Variants in GNAO1 observed in about 807,000 individuals in gnomAD.
GNAO1 encodes guanine nucleotide-binding protein G(o) subunit alpha.
For synonymous variants in GNAO1, 164 were observed against 180.7 expected, an observed-to-expected ratio of 0.91 and a Z score of 0.74; for missense variants, 166 against 478.7, an observed-to-expected ratio of 0.35 and a Z score of 6.10.
chr16:56,232,741 C>T (rs570508992), intron 2 of GNAO1, among the ~76,000 whole-genome samples: 6 of 152,160 alleles, frequency 3.9e-5, no homozygotes, highest in South Asian at 2.1e-4. Flanking sequence ...GTATAAAATA[C>T]GTTGGAAAAA....
At chr16:56,285,904 T>C (rs1166849792) in intron 3 of GNAO1, among the ~76,000 whole-genome samples, 1 of 152,176 alleles carries the variant, frequency 6.6e-6, no homozygotes, top group South Asian at 2.1e-4. Context: ...AGCCCCAGAA[T>C]TGAGCCCTTT....
intron 3 of GNAO1, among the ~76,000 whole-genome samples, chr16:56,277,718 G>A (rs1351260313): frequency 6.6e-6 from 1 of 151,012 alleles, no homozygotes; most frequent in African/African-American, 2.4e-5. Flanking sequence ...GACTAAGTGG[G>A]GAGCGTGATA....
chr16:56,272,527 CTTCT>C, intron 2 of GNAO1, among the ~76,000 whole-genome samples: 1 of 152,292 alleles, frequency 6.6e-6, no homozygotes, highest in East Asian at 1.9e-4. Flanking sequence ...GCAAATGAAG[CTTCT>C]TTATCTTGGG....
chr16:56,285,417 C>T (rs2037156804), intron 3 of GNAO1, among the ~76,000 whole-genome samples: 1 of 152,188 alleles, frequency 6.6e-6, no homozygotes, highest in African/African-American at 2.4e-5. Flanking sequence ...CACCAAACCC[C>T]CACCTGGCAG....
At chr16:56,237,975 T>G (rs1290582383) in intron 2 of GNAO1, among the ~76,000 whole-genome samples, 1 of 152,228 alleles carries the variant, frequency 6.6e-6, no homozygotes, top group African/African-American at 2.4e-5. Flanking sequence ...TTCTCCATCT[T>G]TCTCAAAACT....
chr16:56,242,215 A>ATG, intron 2 of GNAO1, among the ~76,000 whole-genome samples: 1 of 150,972 alleles, frequency 6.6e-6, no homozygotes, highest in African/African-American at 2.5e-5. Context: ...AAGGAAGATG[A>ATG]AAAAAATGTT....
chr16:56,348,835 C>T (rs2037896899), intron 6 of GNAO1, among the ~76,000 whole-genome samples: 1 of 152,162 alleles, frequency 6.6e-6, no homozygotes, highest in South Asian at 2.1e-4. Flanking sequence ...CCTTTTGGGG[C>T]TCCCTCCAAG....
At chr16:56,265,381 C>A (rs1394717034) in intron 2 of GNAO1, among the ~76,000 whole-genome samples, 3 of 152,220 alleles carry the variant, frequency 2.0e-5, no homozygotes, top group African/African-American at 7.2e-5. Context: ...GCAGGCCTGG[C>A]CATGCAGGTC....
intron 2 of GNAO1, among the ~76,000 whole-genome samples, chr16:56,266,946 C>A (rs975839348): frequency 2.0e-5 from 3 of 152,152 alleles, no homozygotes; most frequent in Non-Finnish European, 4.4e-5. Context: ...AAAGCCCTCC[C>A]AGTCCCCAGC....
At chr16:56,336,640 A>C in intron 5 of GNAO1, 91 bp from the exon 6 acceptor site, 2 of 1,228,002 alleles carry the variant, frequency 1.6e-6, no homozygotes, top group Non-Finnish European at 2.3e-6. Flanking sequence ...CATGGCCCCC[A>C]TCCTCTGCCT....
chr16:56,344,994 A>T (rs1215540862), intron 6 of GNAO1: 11 of 985,058 alleles, frequency 1.1e-5, no homozygotes, highest in Non-Finnish European at 1.3e-5. Flanking sequence ...GGGACAGAGG[A>T]CAGCAGGGGG....
chr16:56,290,381 C>G lies in GNAO1; in HGVS notation c.303+14309C>G, dbSNP rs183239615. 1.3e-3 allele frequency among the ~76,000 whole-genome samples: 191 copies of G among 152,346 alleles called. 1 individual carries two copies. Among genetic ancestry groups the G allele is most frequent in the Non-Finnish European group, 1.8e-3 (125 of 68,036 alleles). Reference sequence around the variant, plus strand: ...CTCCAGCACCCAGCACAGTGCCTGGCCCAGAATTGGTGGGTGCTCTATTGA... The same window carrying G: ...CTCCAGCACCCAGCACAGTGCCTGGGCCAGAATTGGTGGGTGCTCTATTGA... On this transcript the variant is annotated intron_variant, in intron 3 of 8. Coordinates refer to ENST00000262493, the MANE Select transcript of GNAO1 (RefSeq NM_020988.3).
chr16:56,337,489 G>A (rs1267498910), intron 6 of GNAO1, among the ~76,000 whole-genome samples: 1 of 152,318 alleles, frequency 6.6e-6, no homozygotes, highest in East Asian at 1.9e-4. Context: ...TCTGTCTTGC[G>A]TCACATTCAG....
At chr16:56,208,637 A>G (rs1399558845) in intron 2 of GNAO1, among the ~76,000 whole-genome samples, 3 of 152,198 alleles carry the variant, frequency 2.0e-5, no homozygotes, top group Admixed American at 6.5e-5. Flanking sequence ...TGCTGCCAAT[A>G]TTTGGTACTG....
chr16:56,335,606 G>T (rs1221896005), intron 5 of GNAO1, among the ~76,000 whole-genome samples: 1 of 152,198 alleles, frequency 6.6e-6, no homozygotes, highest in East Asian at 1.9e-4. Flanking sequence ...AGACTGAGGG[G>T]CCGAGGCTCT....
intron 3 of GNAO1, 71 bp from the exon 4 acceptor site, chr16:56,328,560 G>A: frequency 6.6e-7 from 1 of 1,507,152 alleles, no homozygotes; most frequent in Non-Finnish European, 9.1e-7. Context: ...CGCTAGGGGA[G>A]AGCCCTTGGC....
At chr16:56,271,792 A>G (rs1439793302) in intron 2 of GNAO1, among the ~76,000 whole-genome samples, 1 of 152,198 alleles carries the variant, frequency 6.6e-6, no homozygotes, top group South Asian at 2.1e-4. Flanking sequence ...TACTTACTAT[A>G]TGGTAGGCAC....
At chr16:56,344,830 T>C (rs1331016585) in intron 6 of GNAO1, 2 of 985,326 alleles carry the variant, frequency 2.0e-6, no homozygotes, top group Admixed American at 1.2e-4. Context: ...CCACACTGAA[T>C]TCAACTCAAA....
chr16:56,204,370 C>T (rs2036306641), intron 2 of GNAO1, among the ~76,000 whole-genome samples: 1 of 152,050 alleles, frequency 6.6e-6, no homozygotes, highest in African/African-American at 2.4e-5. Context: ...CTTAGCTGCC[C>T]TTGTGGTCGG....
Sources: gnomAD v4.1 joint callset for allele counts (sites outside exome capture counted in the v4.1 genomes callset) on GRCh38, gnomAD v4.1.1 for gene constraint, MANE v1.5 for transcripts, NCBI Gene and HGNC (gene_info 2026-07-23, HGNC 2026-07-21) for gene names.